Variants in CD109 observed in about 807,000 individuals in gnomAD.
The protein encoded by CD109 is CD109 antigen.
Under a neutral mutation model 165.8 loss-of-function variants are expected in CD109, and 149 were observed. That is an observed-to-expected ratio of 0.90 (90% CI 0.79 to 1.03). CD109 has a LOEUF of 1.03. CD109 is among the 50% of genes least tolerant of loss of function. CD109 has a pLI of 0.00. For synonymous variants in CD109, 585 were observed against 592.1 expected (o/e 0.99, Z 0.18); for missense variants, 1,712 against 1,677.8 (o/e 1.02, Z -0.36).
intron 23 of CD109, among the ~76,000 whole-genome samples, chr6:73,802,237 C>A (rs1041647018): frequency 5.1e-4 from 74 of 145,330 alleles, no homozygotes; most frequent in African/African-American, 1.8e-3. Context: ...TACTTCATTG[C>A]CACCACTGAG....
chr6:73,800,646 A>T (rs984499802), intron 23 of CD109, among the ~76,000 whole-genome samples: 1 of 152,186 alleles, frequency 6.6e-6, no homozygotes, highest in Non-Finnish European at 1.5e-5. Flanking sequence ...ATCTCAGTGT[A>T]GGTTTAATTT....
intron 2 of CD109, among the ~76,000 whole-genome samples, chr6:73,697,806 C>T (rs1770909967): frequency 6.6e-6 from 1 of 152,114 alleles, no homozygotes; most frequent in African/African-American, 2.4e-5. Context: ...TCACTTGGCT[C>T]CCAAGACTGC....
intron 3 of CD109, among the ~76,000 whole-genome samples, chr6:73,725,504 CTTTTTTTT>C (rs386407559): frequency 2.2e-5 from 2 of 89,440 alleles, no homozygotes; most frequent in Non-Finnish European, 4.2e-5. Flanking sequence ...TACTACACTT[CTTTTTTTT>C]TTTTTTTTTT....
chr6:73,809,108 T>C (rs1167853684), intron 26 of CD109, among the ~76,000 whole-genome samples: 1 of 152,094 alleles, frequency 6.6e-6, no homozygotes, highest in Non-Finnish European at 1.5e-5. Context: ...TATTTAATAT[T>C]CCACCTAAGT....
In CD109 at chr6:73,782,594, C is replaced by T; in HGVS notation, c.1964-20C>T. On this transcript the variant is annotated intron_variant, in intron 17 of 32. Coordinates refer to ENST00000287097, the MANE Select transcript of CD109 (RefSeq NM_133493.5). ...TCTCCAGTGACTGTTTTTCTAACTACTGTCAATGTTTATTTATAGATGACA... is the reference window on the plus strand; with the variant it reads ...TCTCCAGTGACTGTTTTTCTAACTATTGTCAATGTTTATTTATAGATGACA... 2.5e-6 allele frequency: 4 copies of T among 1,604,058 alleles called. No individual in the cohort carries two copies. Among genetic ancestry groups the T allele is most frequent in the Middle Eastern group, 1.7e-4 (1 of 6,018 alleles).
chr6:73,771,602 A>G (rs749697886), intron 15 of CD109, 21 bp downstream of exon 15: 3 of 1,506,904 alleles, frequency 2.0e-6, no homozygotes, highest in Non-Finnish European at 2.7e-6. Flanking sequence ...CTATTTTTTC[A>G]TTATGAAAAT....
At chr6:73,802,305 A>ATATATATATATATATTTTTTT (rs1554183463) in intron 23 of CD109, among the ~76,000 whole-genome samples, 1 of 47,630 alleles carries the variant, frequency 2.1e-5, no homozygotes, top group African/African-American at 8.5e-5. Context: ...ATATATATAT[A>ATATATATATATATATTTTTTT]TTTTTTTTTT....
At position 73,802,285 on chromosome 6, in the gene CD109, G is replaced by GTATATA. The variant is rs1386422247; in HGVS notation, c.2879-934_2879-933insATATAT. The stretch of plus-strand genomic sequence containing the variant: ...TGTGTGTGTGTGTGTGTGTGTGTGT[G>GTATATA]TGTGTATATATATATATATATTTTT... On this transcript the variant is annotated intron_variant, in intron 23 of 32. Transcript: ENST00000287097. Among the ~76,000 whole-genome samples, 343 of 99,516 alleles carry GTATATA rather than the reference G, an allele frequency of 3.4e-3. 3 individuals are homozygous for GTATATA. The highest frequency in any genetic ancestry group is 5.0e-3 in the Non-Finnish European group (251 of 50,206). The allele number at this position is 99,516 out of a possible 152,430, so 65.3% of individuals were successfully genotyped here.
At chr6:73,782,385 TG>T (rs1774540104) in intron 17 of CD109, among the ~76,000 whole-genome samples, 1 of 152,246 alleles carries the variant, frequency 6.6e-6, no homozygotes, top group South Asian at 2.1e-4. Context: ...GAATCCTTCT[TG>T]ATGCCCACTG....
intron 22 of CD109, 86 bp downstream of exon 22, chr6:73,788,698 T>C (rs1774795749): frequency 7.8e-7 from 1 of 1,274,342 alleles, no homozygotes; most frequent in South Asian, 1.4e-5. Flanking sequence ...TATTTTCTTA[T>C]TGAGTCCTAA....
chr6:73,749,765 C>T (rs549223795), intron 5 of CD109, among the ~76,000 whole-genome samples: 1 of 152,244 alleles, frequency 6.6e-6, no homozygotes, highest in South Asian at 2.1e-4. Context: ...AACATCCAAA[C>T]ATGATAGTGT....
rs747815198 is a variant in CD109 at position 73,792,807 on chromosome 6, G to A, written c.2878+5G>A. On this transcript the variant is annotated splice_donor_5th_base_variant and intron_variant, in intron 23 of 32. Coordinates refer to ENST00000287097, the MANE Select transcript of CD109 (RefSeq NM_133493.5). ...CTCTTTCATTTATGAGGCAAGGTAA[G>A]CATTTTAGAGACCTACATTTGTTCG... 6 of 1,601,392 alleles carry A rather than the reference G, an allele frequency of 3.7e-6. No homozygotes were observed. The highest frequency in any genetic ancestry group is 2.7e-5 in the African/African-American group (2 of 74,152).
At chr6:73,710,037 A>G (rs1406822944) in intron 2 of CD109, among the ~76,000 whole-genome samples, 1 of 152,236 alleles carries the variant, frequency 6.6e-6, no homozygotes, top group Non-Finnish European at 1.5e-5. Context: ...GGCACAAGAC[A>G]GGGATGTCCT....
At position 73,802,793 on chromosome 6, in the gene CD109, G is replaced by A. The variant is rs143304782; in HGVS notation, c.2879-427G>A. Among the ~76,000 whole-genome samples the A allele has an allele frequency of 5.3e-4, 80 of 150,166 alleles. 1 individual carries two copies. The highest frequency in any genetic ancestry group is 1.9e-3 in the African/African-American group (78 of 40,808). On this transcript the variant is annotated intron_variant, in intron 23 of 32. Coordinates refer to ENST00000287097, the MANE Select transcript of CD109 (RefSeq NM_133493.5). ...CGGCTCACTGCAACCTCTGCTTCCTGGGTTCAAGCGATTCTCCTGCCTCAG... is the reference window on the plus strand; with the variant it reads ...CGGCTCACTGCAACCTCTGCTTCCTAGGTTCAAGCGATTCTCCTGCCTCAG...
intron 2 of CD109, among the ~76,000 whole-genome samples, chr6:73,720,505 G>A (rs1322853227): frequency 1.3e-5 from 2 of 152,008 alleles, no homozygotes; most frequent in Non-Finnish European, 2.9e-5. Flanking sequence ...GATTTTAATT[G>A]TTCCTTTCCA....
intron 31 of CD109, 22 bp downstream of exon 31, chr6:73,818,557 A>C: frequency 6.2e-7 from 1 of 1,605,200 alleles, no homozygotes; most frequent in Non-Finnish European, 8.5e-7. Flanking sequence ...AACATAAGGT[A>C]ACTGTTGACA....
chr6:73,811,240 A>T, intron 28 of CD109, 93 bp downstream of exon 28: 1 of 1,389,260 alleles, frequency 7.2e-7, no homozygotes. Context: ...TTCAACAAAG[A>T]CTTGTTTCCA....
At chr6:73,736,262 G>A (rs56286966) in intron 4 of CD109, 121 bp from the exon 5 acceptor site, 77,748 of 973,484 alleles carry the variant, frequency 0.08, 3,397 homozygotes, top group Non-Finnish European at 0.089. Flanking sequence ...TATTTGTGCC[G>A]TATTTTGGAG....
At chr6:73,810,502 G>A (rs926508790) in intron 27 of CD109, among the ~76,000 whole-genome samples, 1 of 151,762 alleles carries the variant, frequency 6.6e-6, no homozygotes, top group Admixed American at 6.6e-5. Context: ...TATAAGAGTA[G>A]ATGTTCAGTT....
Sources: allele counts gnomAD v4.1 joint callset (sites outside exome capture counted in the v4.1 genomes callset), GRCh38; gene constraint gnomAD v4.1.1; transcripts MANE v1.5; gene names NCBI Gene and HGNC (gene_info 2026-07-23, HGNC 2026-07-21).